The following TUT4 variants were observed in gnomAD, a reference collection of about 807,000 sequenced individuals.
TUT4 encodes the protein terminal uridylyl transferase 4.
Under a neutral mutation model 192.2 loss-of-function variants are expected in TUT4, and 36 were observed. The ratio of observed to expected loss-of-function variants is 0.19; its 90% CI spans 0.14 to 0.25. The LOEUF (loss-of-function observed/expected upper bound fraction) is 0.25, where lower values mean the gene tolerates loss of function less well. Among genes scored for constraint, TUT4 ranks in the 10% least tolerant of loss-of-function variants. TUT4 has a pLI of 1.00. For synonymous variants in TUT4, 618 were observed against 666.0 expected, an observed-to-expected ratio of 0.93 and a Z score of 1.11; for missense variants, 1,493 against 1,957.2, an observed-to-expected ratio of 0.76 and a Z score of 4.47.
At chr1:52,552,444 C>A (rs1240942483) in intron 1 of TUT4, among the ~76,000 whole-genome samples, 4 of 152,122 alleles carry the variant, frequency 2.6e-5, no homozygotes, top group African/African-American at 9.7e-5. Context: ...AGGACGAGCC[C>A]GGGGAAACAT....
At chr1:52,458,293 T>C (rs755694651) in intron 20 of TUT4, 43 bp downstream of exon 20, 3 of 1,471,424 alleles carry the variant, frequency 2.0e-6, no homozygotes, top group Admixed American at 1.8e-5. Flanking sequence ...TTAGATCTAT[T>C]GTTTTCAAAA....
rs931993476 is a variant in TUT4 at position 52,515,899 on chromosome 1, G to A, written c.874C>T (p.Leu292Phe). Residue 292 changes from leucine to phenylalanine, a missense_variant, in exon 3 of 30, where the codon CTT becomes TTT. This residue lies in a region of TUT4 where 437 missense variants were observed against 577.6 expected (regional missense o/e 0.76). Coordinates refer to ENST00000257177, the MANE Select transcript of TUT4 (RefSeq NM_001009881.3). ...ERLERDHIFR[L>F]EKRSPEYTNC... ...AAAACAACATAGTATACTTTTTCAAGTCGAAAGATGTGATCTCTTTCTAAG... is the reference window on the plus strand; with the variant it reads ...AAAACAACATAGTATACTTTTTCAAATCGAAAGATGTGATCTCTTTCTAAG... The A allele has an allele frequency of 6.2e-7, 1 of 1,613,694 alleles. No individual in the cohort carries two copies. The highest frequency in any genetic ancestry group is 8.5e-7 in the Non-Finnish European group (1 of 1,179,944).
intron 24 of TUT4, among the ~76,000 whole-genome samples, chr1:52,439,217 G>A (rs867487831): frequency 3.3e-5 from 5 of 152,002 alleles, no homozygotes; most frequent in South Asian, 2.1e-4. Context: ...ACGAAGTGGC[G>A]AAACTCTGTC....
chr1:52,522,730 A>C (rs1188484910), intron 2 of TUT4, among the ~76,000 whole-genome samples: 3 of 152,084 alleles, frequency 2.0e-5, no homozygotes, highest in East Asian at 3.9e-4. Flanking sequence ...GTCTGAGATC[A>C]GCCTGGCCAA....
chr1:52,454,239 T>C (rs904480032), intron 20 of TUT4, among the ~76,000 whole-genome samples: 1 of 152,116 alleles, frequency 6.6e-6, no homozygotes, highest in African/African-American at 2.4e-5. Flanking sequence ...AAAGTTTACA[T>C]AGAGAGGCAA....
At chr1:52,540,754 T>G (rs561575031) in intron 1 of TUT4, among the ~76,000 whole-genome samples, 14 of 152,328 alleles carry the variant, frequency 9.2e-5, no homozygotes, top group African/African-American at 2.4e-4. Flanking sequence ...TACTAGAGTA[T>G]GTCTCTAAGC....
chr1:52,436,694 A>T, intron 26 of TUT4, 61 bp downstream of exon 26: 1 of 1,602,742 alleles, frequency 6.2e-7, no homozygotes, highest in South Asian at 1.1e-5. Context: ...GTCATTTAGC[A>T]TGCAAGCAAC....
At chr1:52,544,049 G>A (rs1291485703) in intron 1 of TUT4, among the ~76,000 whole-genome samples, 1 of 151,896 alleles carries the variant, frequency 6.6e-6, no homozygotes, top group Non-Finnish European at 1.5e-5. Context: ...AGCACTTCGG[G>A]AGGCCGAGGC....
At chr1:52,426,081 A>G (rs1426350966) in intron 28 of TUT4, among the ~76,000 whole-genome samples, 1 of 152,168 alleles carries the variant, frequency 6.6e-6, no homozygotes, top group Non-Finnish European at 1.5e-5. Context: ...TTTATCCTAA[A>G]GACAATGCCA....
intron 2 of TUT4, among the ~76,000 whole-genome samples, 162 bp from the exon 3 acceptor site, chr1:52,516,216 G>T (rs1206216753): frequency 2.0e-5 from 3 of 152,064 alleles, no homozygotes; most frequent in Non-Finnish European, 4.4e-5. Context: ...ATATAGGTAA[G>T]AGGTAGACAT....
chr1:52,476,578 C>A (rs867080572), intron 12 of TUT4, among the ~76,000 whole-genome samples: 1 of 152,040 alleles, frequency 6.6e-6, no homozygotes, highest in African/African-American at 2.4e-5. Context: ...TTACTTTTTG[C>A]TGCTATCTAA....
At chr1:52,466,261 C>T (rs369204706) in intron 15 of TUT4, among the ~76,000 whole-genome samples, 6 of 152,140 alleles carry the variant, frequency 3.9e-5, no homozygotes, top group South Asian at 2.1e-4. Context: ...ATAATCCCAG[C>T]GCTTCAGGAA....
intron 3 of TUT4, chr1:52,515,208 A>G (rs1262984970): frequency 6.6e-6 from 1 of 152,426 alleles, no homozygotes; most frequent in Non-Finnish European, 1.5e-5. Flanking sequence ...TTACGCAGTT[A>G]ATGTTCAATA....
Position 52,431,031 on chromosome 1 carries a change from CACT to C in TUT4, c.4690_4692del (p.Ser1564del), listed in dbSNP as rs1557628319. 1 of 1,593,944 alleles carries C rather than the reference CACT, an allele frequency of 6.3e-7. No homozygotes were observed. The highest frequency in any genetic ancestry group is 8.6e-7 in the Non-Finnish European group (1 of 1,165,184). On this transcript the variant is annotated inframe_deletion, in exon 28 of 30. Coordinates refer to ENST00000257177, the MANE Select transcript of TUT4 (RefSeq NM_001009881.3). ...AGGTTACCTGAATTCCCCACTGCAC[CACT>C]GTTTACCAGGGAATTTGGAGCCACA...
intron 6 of TUT4, among the ~76,000 whole-genome samples, chr1:52,494,923 T>A (rs921071932): frequency 6.6e-6 from 1 of 152,134 alleles, no homozygotes; most frequent in African/African-American, 2.4e-5. Context: ...ACAATATCAA[T>A]ATTGTTCTAA....
chr1:52,510,175 G>A (rs998505935), intron 3 of TUT4, among the ~76,000 whole-genome samples: 29 of 151,964 alleles, frequency 1.9e-4, no homozygotes, highest in African/African-American at 7.0e-4. Context: ...AGCCGTGCAT[G>A]GTGGCGCAGG....
chr1:52,436,261 G>A (rs1281759743), intron 26 of TUT4, among the ~76,000 whole-genome samples: 1 of 152,118 alleles, frequency 6.6e-6, no homozygotes, highest in Non-Finnish European at 1.5e-5. Flanking sequence ...CAAGGTGGGT[G>A]GATCACCTGA....
At chr1:52,447,853 G>A (rs1305870167) in intron 20 of TUT4, among the ~76,000 whole-genome samples, 1 of 152,220 alleles carries the variant, frequency 6.6e-6, no homozygotes, top group Non-Finnish European at 1.5e-5. Context: ...TATAAATGGA[G>A]AAAACATACC....
chr1:52,427,256 A>G (rs1331396016), intron 28 of TUT4, among the ~76,000 whole-genome samples: 1 of 152,164 alleles, frequency 6.6e-6, no homozygotes, highest in South Asian at 2.1e-4. Flanking sequence ...ATCTAAATTT[A>G]AAAATGGAGG....
Sources: gnomAD v4.1 joint callset for allele counts (sites outside exome capture counted in the v4.1 genomes callset) on GRCh38, gnomAD v4.1.1 for gene constraint, gnomAD v4.1.1 regional missense constraint, MANE v1.5 for transcripts, NCBI Gene and HGNC (gene_info 2026-07-23, HGNC 2026-07-21) for gene names.